Variants in PDE4C observed in about 807,000 individuals in gnomAD.
PDE4C encodes 3',5'-cyclic-AMP phosphodiesterase 4C.
In PDE4C, 50 loss-of-function variants were observed where a neutral mutation model predicts 63.9. That is an observed-to-expected ratio of 0.78 (90% CI 0.62 to 0.99). The LOEUF is 0.99. PDE4C is among the 50% of genes least tolerant of loss of function. The pLI is 0.00. For missense variants in PDE4C, 777 were observed against 899.1 expected (o/e 0.86, Z 1.74); for synonymous variants, 377 against 385.1 (o/e 0.98, Z 0.25).
Position 18,220,636 on chromosome 19 carries a change from C to A in PDE4C, c.500-121G>T. The stretch of plus-strand genomic sequence containing the variant: ...TTCCCACGGGGGCCACCCAGGACTC[C>A]TGGACCCAAGTTCCAGATCTGTTCC... On this transcript the variant is annotated intron_variant, in intron 5 of 14. Coordinates refer to ENST00000262805, the Ensembl canonical transcript of PDE4C. This position sits in a 1 kb window ranked among gnomAD's most constrained non-coding sequence, Gnocchi z 5.1. The A allele has an allele frequency of 1.1e-6, 1 of 920,538 alleles. No individual in the cohort carries two copies. Among genetic ancestry groups the A allele is most frequent in the Non-Finnish European group, 1.7e-6 (1 of 605,308 alleles). The allele number at this position is 920,538 out of a possible 1,614,324, so 57.0% of individuals were successfully genotyped here.
intron 13 of PDE4C, 109 bp from the exon 14 acceptor site, chr19:18,212,050 G>T: frequency 9.2e-7 from 1 of 1,083,886 alleles, no homozygotes; most frequent in East Asian, 2.5e-5. Flanking sequence ...TACAGGTGGG[G>T]AAACTGAGGC....
intron 1 of PDE4C, among the ~76,000 whole-genome samples, chr19:18,244,246 G>A (rs1196429232): frequency 6.6e-6 from 1 of 151,714 alleles, no homozygotes; most frequent in Non-Finnish European, 1.5e-5. Context: ...AGGCTCCTGG[G>A]TGGGGAAGGC....
intron 12 of PDE4C, among the ~76,000 whole-genome samples, chr19:18,215,578 G>A (rs1007069990): frequency 3.3e-5 from 5 of 151,530 alleles, no homozygotes; most frequent in East Asian, 3.9e-4. Context: ...TGCAGTGTGC[G>A]ATCTCCGCTC....
exon 4 of PDE4C, chr19:18,221,145 C>A: frequency 6.3e-7 from 1 of 1,581,932 alleles, no homozygotes; most frequent in Non-Finnish European, 8.6e-7. Context: ...AGGGCCGCCA[C>A]GTTGCTCCGA....
At chr19:18,211,587 C>T in intron 14 of PDE4C, 172 bp downstream of exon 14, 1 of 717,960 alleles carries the variant, frequency 1.4e-6, no homozygotes, top group Non-Finnish European at 2.3e-6. Flanking sequence ...GCATGTCCCT[C>T]TCCCTGAAGC....
Position 18,244,000 on chromosome 19 carries a change from G to A in PDE4C, c.-210+4171C>T, listed in dbSNP as rs140202824. Among the ~76,000 whole-genome samples the A allele has an allele frequency of 3.6e-4, 54 of 151,854 alleles. 1 individual carries two copies. In the East Asian group the frequency reaches 8.3e-3, roughly 23 times the overall value. On this transcript the variant is annotated intron_variant, in intron 1 of 15. Transcript: ENST00000594617. ...CTCCTGAGTAGCTGGGATTACAGGC[G>A]CCCACCACGATGCCAGGCTAATCTT...
chr19:18,226,382 C>G, exon 1 of PDE4C: 1 of 1,466,612 alleles, frequency 6.8e-7, no homozygotes, highest in Non-Finnish European at 9.0e-7. Flanking sequence ...GAGCCGGGCC[C>G]GGGGACCGGG....
chr19:18,243,856 T>C (rs1444857018), intron 1 of PDE4C, among the ~76,000 whole-genome samples: 1 of 151,828 alleles, frequency 6.6e-6, no homozygotes, highest in Admixed American at 6.6e-5. Flanking sequence ...ACTCCTGATT[T>C]TTTATCTTTT....
intron 13 of PDE4C, among the ~76,000 whole-genome samples, 163 bp from the exon 14 acceptor site, chr19:18,212,104 G>A (rs1188376874): frequency 6.6e-6 from 1 of 152,100 alleles, no homozygotes; most frequent in Non-Finnish European, 1.5e-5. Flanking sequence ...TGTGACTCTT[G>A]CCATTTCTTC....
intron 12 of PDE4C, among the ~76,000 whole-genome samples, chr19:18,216,464 G>A (rs1024478124): frequency 6.6e-6 from 1 of 151,518 alleles, no homozygotes; most frequent in African/African-American, 2.4e-5. Flanking sequence ...TAGTAGAGAC[G>A]AGGTTTCACC....
At chr19:18,250,324 G>C (rs763735372), upstream of PDE4C, 5 of 398,976 alleles carry the variant, frequency 1.3e-5, no homozygotes, top group Middle Eastern at 6.2e-4. Context: ...TGGACACCTC[G>C]TCCAGGTTCT....
At chr19:18,242,785 CAA>C (rs11381255) in intron 1 of PDE4C, among the ~76,000 whole-genome samples, 8 of 109,370 alleles carry the variant, frequency 7.3e-5, no homozygotes, top group Non-Finnish European at 1.3e-4. Flanking sequence ...ACTTTCACCT[CAA>C]AAAAAAAAAA....
intron 12 of PDE4C, among the ~76,000 whole-genome samples, chr19:18,214,678 G>A (rs891664054): frequency 1.4e-4 from 21 of 152,070 alleles, no homozygotes; most frequent in Admixed American, 1.4e-3. Context: ...GCCGGGCGCC[G>A]TGGCTCACAC....
At chr19:18,233,526 G>T (rs1968896707) in exon 1 of PDE4C, 1 of 586,314 alleles carries the variant, frequency 1.7e-6, no homozygotes, top group Non-Finnish European at 3.2e-6. Context: ...GCATGGAAAA[G>T]AACCAAGACA....
intron 1 of PDE4C, chr19:18,224,641 G>A: frequency 2.2e-6 from 1 of 446,014 alleles, no homozygotes; most frequent in Non-Finnish European, 3.0e-6. Flanking sequence ...GGTGACGCTC[G>A]GGCCGGGTCG....
At chr19:18,246,448 G>A (rs4569399) in intron 1 of PDE4C, among the ~76,000 whole-genome samples, 43,075 of 151,194 alleles carry the variant, frequency 0.28, 6,321 homozygotes, top group African/African-American at 0.31. Context: ...CTCCCAAAGC[G>A]CTGAGATTAC....
upstream of PDE4C, among the ~76,000 whole-genome samples, chr19:18,249,254 C>T (rs1026055715): frequency 3.9e-5 from 6 of 152,234 alleles, no homozygotes; most frequent in African/African-American, 1.4e-4. Flanking sequence ...CAGTGGTAAG[C>T]CACCATGCCC....
intron 1 of PDE4C, among the ~76,000 whole-genome samples, chr19:18,232,309 G>A (rs994128651): frequency 2.6e-5 from 4 of 151,998 alleles, no homozygotes; most frequent in Non-Finnish European, 4.4e-5. Context: ...GATGCAGTGA[G>A]CCATGATCGA....
At chr19:18,216,408 G>C (rs573586031) in intron 12 of PDE4C, among the ~76,000 whole-genome samples, 1 of 151,960 alleles carries the variant, frequency 6.6e-6, no homozygotes, top group African/African-American at 2.4e-5. Context: ...CCAAGTAGCT[G>C]GGATGACAGG....
Sources: gnomAD v4.1 joint callset for allele counts (sites outside exome capture counted in the v4.1 genomes callset) on GRCh38, gnomAD v4.1.1 for gene constraint, Gnocchi (gnomAD v3.1) non-coding constraint, MANE v1.5 for transcripts, NCBI Gene and HGNC (gene_info 2026-07-23, HGNC 2026-07-21) for gene names.